CTNNA3: variants seen among roughly 807,000 people sequenced by gnomAD.
The protein encoded by CTNNA3 is catenin alpha-3.
Under a neutral mutation model 95.7 loss-of-function variants are expected in CTNNA3, and 76 were observed. That is an observed-to-expected ratio of 0.79 (90% CI 0.66 to 0.96). CTNNA3 has a LOEUF of 0.96. CTNNA3 is among the 40% of genes least tolerant of loss of function. The probability of loss-of-function intolerance (pLI) is 0.00; values close to 1 mark genes in which losing one functional copy is unlikely to be tolerated. For synonymous variants in CTNNA3, 431 were observed against 374.4 expected (o/e 1.15, Z -1.74); for missense variants, 1,191 against 1,089.8 (o/e 1.09, Z -1.31).
intron 5 of CTNNA3, among the ~76,000 whole-genome samples, chr10:67,325,930 G>A (rs1340064636): frequency 2.6e-5 from 4 of 151,824 alleles, no homozygotes; most frequent in Non-Finnish European, 5.9e-5. Flanking sequence ...TGGGCACATA[G>A]GTATTTAGGA....
intron 10 of CTNNA3, among the ~76,000 whole-genome samples, chr10:66,550,774 C>CT (rs969174700): frequency 2.7e-5 from 4 of 150,008 alleles, no homozygotes; most frequent in African/African-American, 9.8e-5. Flanking sequence ...TACTGGCTGA[C>CT]TTTTTTTTAA....
chr10:66,078,987 T>C (rs1233523743), intron 14 of CTNNA3: 1 of 151,940 alleles, frequency 6.6e-6, no homozygotes, highest in African/African-American at 2.4e-5. Flanking sequence ...AAATTGGAAG[T>C]AGACAGAAGG....
At chr10:67,683,831 C>T (rs1159910975) in intron 1 of CTNNA3, among the ~76,000 whole-genome samples, 8 of 152,172 alleles carry the variant, frequency 5.3e-5, no homozygotes, top group Non-Finnish European at 1.2e-4. Context: ...AAGCCACAGA[C>T]CTTCTCAGTG....
intron 7 of CTNNA3, among the ~76,000 whole-genome samples, chr10:66,850,351 A>T (rs76677276): frequency 0.036 from 5,447 of 152,248 alleles, 325 homozygotes; most frequent in African/African-American, 0.12. Context: ...GACACATAAG[A>T]TTGTGAAGGT....
rs766210364 is a variant in CTNNA3 at position 66,337,039 on chromosome 10, A to C, written c.1732+42113T>G. Among the ~76,000 whole-genome samples the C allele has an allele frequency of 1.6e-4, 24 of 152,240 alleles. 1 individual carries two copies. Among genetic ancestry groups the C allele is most frequent in the Non-Finnish European group, 1.9e-4 (13 of 67,966 alleles). ...GTTTTCTATTGAGCCAAATCATTAA[A>C]TAGATTTGGGAAATGTAAAAAAATG... is the stretch of plus-strand genomic sequence containing the variant. On this transcript the variant is annotated intron_variant, in intron 12 of 17. Coordinates refer to ENST00000433211, the MANE Select transcript of CTNNA3 (RefSeq NM_013266.4).
chr10:66,759,028 T>C (rs901625045), intron 9 of CTNNA3, among the ~76,000 whole-genome samples: 2 of 152,158 alleles, frequency 1.3e-5, no homozygotes, highest in African/African-American at 4.8e-5. Context: ...CCTGTTAATG[T>C]TGCTGAAAAA....
intron 7 of CTNNA3, among the ~76,000 whole-genome samples, chr10:66,942,607 CGT>C (rs532361291): frequency 6.7e-6 from 1 of 149,056 alleles, no homozygotes; most frequent in Non-Finnish European, 1.5e-5. Flanking sequence ...TGTGTGTCTG[CGT>C]GTGTGTGCAT....
intron 5 of CTNNA3, among the ~76,000 whole-genome samples, chr10:67,444,604 A>G (rs973827911): frequency 6.6e-6 from 1 of 152,124 alleles, no homozygotes; most frequent in Non-Finnish European, 1.5e-5. Flanking sequence ...CGATGAAATG[A>G]AAAGTTAGTT....
At chr10:66,602,837 AC>A (rs1156297939) in intron 10 of CTNNA3, among the ~76,000 whole-genome samples, 7 of 152,110 alleles carry the variant, frequency 4.6e-5, no homozygotes, top group African/African-American at 1.2e-4. Context: ...AGAATCAAGG[AC>A]AAAAACCCTA....
At chr10:66,390,006 G>C (rs1473874025) in intron 11 of CTNNA3, among the ~76,000 whole-genome samples, 1 of 152,150 alleles carries the variant, frequency 6.6e-6, no homozygotes, top group Non-Finnish European at 1.5e-5. Context: ...AAAGTGTTGA[G>C]ATTACTGGAG....
intron 7 of CTNNA3, among the ~76,000 whole-genome samples, chr10:66,862,611 G>GCT (rs1200896662): frequency 2.0e-5 from 3 of 152,118 alleles, no homozygotes; most frequent in Non-Finnish European, 4.4e-5. Context: ...ACCAAAGTGT[G>GCT]CTGGGAAAAA....
At chr10:67,535,296 A>G (rs547621444) in intron 4 of CTNNA3, among the ~76,000 whole-genome samples, 1 of 152,292 alleles carries the variant, frequency 6.6e-6, no homozygotes, top group East Asian at 1.9e-4. Context: ...AAGATATAAT[A>G]CTGTTTTCCA....
At chr10:67,546,084 A>AT (rs1840835687) in intron 3 of CTNNA3, among the ~76,000 whole-genome samples, 1 of 152,158 alleles carries the variant, frequency 6.6e-6, no homozygotes, top group Non-Finnish European at 1.5e-5. Flanking sequence ...GAAAAATGAA[A>AT]TTTTTTAATT....
At chr10:66,712,851 C>A (rs1848339557) in intron 9 of CTNNA3, among the ~76,000 whole-genome samples, 1 of 152,118 alleles carries the variant, frequency 6.6e-6, no homozygotes, top group Admixed American at 6.6e-5. Flanking sequence ...AAGCTCATAC[C>A]TTTATAATGT....
chr10:66,962,819 G>A (rs1849193862), intron 7 of CTNNA3, among the ~76,000 whole-genome samples: 1 of 152,030 alleles, frequency 6.6e-6, no homozygotes, highest in African/African-American at 2.4e-5. Flanking sequence ...GTTCTCCAAA[G>A]CAATTATCAC....
chr10:67,698,678 C>T (rs1054708240), upstream of CTNNA3, among the ~76,000 whole-genome samples: 2 of 152,098 alleles, frequency 1.3e-5, no homozygotes, highest in East Asian at 3.8e-4. Flanking sequence ...TCTGAACAGC[C>T]ATAATACCTT....
rs371379720 is a variant in CTNNA3, at chr10:67,122,352, GAATAA to G, written c.1047+57960_1047+57964del. Among the ~76,000 whole-genome samples the G allele has an allele frequency of 1.9e-3, 287 of 151,886 alleles. 2 individuals carry two copies. The highest frequency in any genetic ancestry group is 6.7e-3 in the African/African-American group (277 of 41,410). ...CAATAACATAACAAAGTCTTCAATA[GAATAA>G]AAGTAAAAATAAATTATGAAAGACC... On this transcript the variant is annotated intron_variant, in intron 7 of 17. Coordinates refer to ENST00000433211, the MANE Select transcript of CTNNA3 (RefSeq NM_013266.4).
chr10:66,353,214 C>G (rs186399532), intron 12 of CTNNA3, among the ~76,000 whole-genome samples: 38 of 152,130 alleles, frequency 2.5e-4, no homozygotes, highest in African/African-American at 9.2e-4. Context: ...GGAACAAAAT[C>G]TATTAAAATA....
Position 66,976,013 on chromosome 10 carries a change from C to T in CTNNA3, c.1048-200489G>A, listed in dbSNP as rs539243280. On this transcript the variant is annotated intron_variant, in intron 7 of 17. Coordinates refer to ENST00000433211, the MANE Select transcript of CTNNA3 (RefSeq NM_013266.4). ...GAGTTGATTCTTTTCTACCAACTGC[C>T]CTCTTTAATTTCCCTGTATAAAAGG... 2.2e-3 allele frequency among the ~76,000 whole-genome samples: 330 copies of T among 152,210 alleles called. 1 individual carries two copies. The highest frequency in any genetic ancestry group is 3.8e-3 in the Non-Finnish European group (258 of 68,004).
Sources: allele counts gnomAD v4.1 joint callset (sites outside exome capture counted in the v4.1 genomes callset), GRCh38; gene constraint gnomAD v4.1.1; transcripts MANE v1.5; gene names NCBI Gene and HGNC (gene_info 2026-07-23, HGNC 2026-07-21).